MVK: variants seen among roughly 807,000 people sequenced by gnomAD.
MVK encodes LH receptor mRNA-binding protein.
In MVK, 34 loss-of-function variants were observed where a neutral mutation model predicts 43.2. The observed-to-expected ratio is 0.79, with a 90% CI of 0.60 to 1.05. The LOEUF is 1.05. Ranked by LOEUF, MVK falls within the 50% of genes least tolerant of loss-of-function variation. The pLI is 0.00. For synonymous variants in MVK, 190 were observed against 219.8 expected, an observed-to-expected ratio of 0.86 and a Z score of 1.20; for missense variants, 395 against 504.0, an observed-to-expected ratio of 0.78 and a Z score of 2.07.
rs1885946442 is a variant in MVK, at chr12:109,596,959, C to T, written c.*382C>T. The T allele has an allele frequency of 3.1e-6, 1 of 320,906 alleles. No individual in the cohort carries two copies. Among genetic ancestry groups the T allele is most frequent in the South Asian group, 2.9e-5 (1 of 34,854 alleles). The allele number at this position is 320,906 out of a possible 1,614,324, so 19.9% of individuals were successfully genotyped here. A position where few individuals can be genotyped will look rare whatever the true frequency, so the allele number is the denominator to read the frequency against. On this transcript the variant is annotated 3_prime_UTR_variant, in exon 11 of 11. Coordinates refer to ENST00000228510, the MANE Select transcript of MVK (RefSeq NM_000431.4). ...GGGGCCTGGTTCCCGGAGAAGTGTG[C>T]CTTCTCTCTCCCTTTTCAGGGACCG...
At chr12:109,583,680 T>A (rs1343555256) in intron 5 of MVK, among the ~76,000 whole-genome samples, 10 of 152,226 alleles carry the variant, frequency 6.6e-5, no homozygotes, top group Non-Finnish European at 1.5e-5. Flanking sequence ...CCACACTGAC[T>A]TCCACAATGG....
In MVK at chr12:109,581,607, G is replaced by C. The variant is rs762754085; in HGVS notation, c.527+57G>C. Reference sequence around the variant, plus strand: ...TCCCGCACGGCAGGACAGGGACGTGGCTTCTCTCACTGAGACCTCACCACC... The same window carrying C: ...TCCCGCACGGCAGGACAGGGACGTGCCTTCTCTCACTGAGACCTCACCACC... On this transcript the variant is annotated intron_variant, in intron 5 of 10. Transcript: ENST00000228510. 5.9e-4 allele frequency: 958 copies of C among 1,611,932 alleles called. 1 individual carries two copies. The highest frequency in any genetic ancestry group is 7.4e-4 in the Non-Finnish European group (877 of 1,178,536).
In MVK at chr12:109,596,642, T is replaced by A; in HGVS notation, c.*65T>A. On this transcript the variant is annotated 3_prime_UTR_variant, in exon 11 of 11. Transcript: ENST00000228510. ...TTCTGGATTATTCTGGGGGCTGCAG[T>A]TCGACTCTGTGCTGGCCAGCGAGCG... 6.3e-7 allele frequency: 1 copy of A among 1,580,622 alleles called. No individual in the cohort carries two copies. Among genetic ancestry groups the A allele is most frequent in the Non-Finnish European group, 8.6e-7 (1 of 1,167,416 alleles).
intron 7 of MVK, chr12:109,589,424 A>T (rs2136242398): frequency 6.6e-6 from 1 of 152,224 alleles, no homozygotes; most frequent in East Asian, 1.9e-4. Flanking sequence ...TGGCTTAAGG[A>T]GCTTCCCCCC....
Position 109,595,795 on chromosome 12 carries a change from C to T in MVK, c.1039+614C>T, listed in dbSNP as rs1885891580. ...GTGCTCCTTGTCCCCTCCTTCCTTC[C>T]TTCTTTCTCTTTCTGTCTTTATCTC... On this transcript the variant is annotated intron_variant, in intron 10 of 10. Coordinates refer to ENST00000228510, the MANE Select transcript of MVK (RefSeq NM_000431.4). The surrounding 1 kb of genome is among the most constrained non-coding windows in gnomAD (Gnocchi z 5.9). Among the ~76,000 whole-genome samples, 1 of 152,134 alleles carries T rather than the reference C, an allele frequency of 6.6e-6. No individual in the cohort carries two copies. Among genetic ancestry groups the T allele is most frequent in the Admixed American group, 6.6e-5 (1 of 15,260 alleles).
Position 109,595,237 on chromosome 12 carries a change from C to G in MVK, c.1039+56C>G. Reference sequence around the variant, plus strand: ...AGCCTGGGCTCCTAAGAGGGGTCCACCTGGAGAATTCCCTTGAAAGGAAAA... The same window carrying G: ...AGCCTGGGCTCCTAAGAGGGGTCCAGCTGGAGAATTCCCTTGAAAGGAAAA... On this transcript the variant is annotated intron_variant, in intron 10 of 10. Coordinates refer to ENST00000228510, the MANE Select transcript of MVK (RefSeq NM_000431.4). This position sits in a 1 kb window ranked among gnomAD's most constrained non-coding sequence, Gnocchi z 5.9. 1 of 1,604,012 alleles carries G rather than the reference C, an allele frequency of 6.2e-7. No homozygotes were observed. Among genetic ancestry groups the G allele is most frequent in the Non-Finnish European group, 8.5e-7 (1 of 1,175,952 alleles).
In MVK at chr12:109,573,828, C is replaced by A; in HGVS notation, c.-60C>A. ...TGTGGGAGTTGGGGAGCTGCTCCGG[C>A]TTCGGCGCGGAGGGGCGGCGGCCGG... is the stretch of plus-strand genomic sequence containing the variant. On this transcript the variant is annotated 5_prime_UTR_variant, in exon 1 of 11. Coordinates refer to ENST00000228510, the MANE Select transcript of MVK (RefSeq NM_000431.4). 4.2e-6 allele frequency: 1 copy of A among 239,172 alleles called. No homozygotes were observed. The highest frequency in any genetic ancestry group is 1.2e-4 in the East Asian group (1 of 8,506). 14.8% of individuals were successfully genotyped at this position (239,172 alleles called of 1,614,324 possible). A position where few individuals can be genotyped will look rare whatever the true frequency, so the allele number is the denominator to read the frequency against.
intron 6 of MVK, 148 bp from the exon 7 acceptor site, chr12:109,586,605 CT>C: frequency 2.3e-6 from 2 of 868,836 alleles, no homozygotes; most frequent in African/African-American, 1.6e-5. Flanking sequence ...CCTCCTGCAC[CT>C]TTTGTAACTG....
chr12:109,590,905 A>G, intron 8 of MVK, 44 bp downstream of exon 8: 6 of 1,587,874 alleles, frequency 3.8e-6, no homozygotes, highest in Non-Finnish European at 4.3e-6. Flanking sequence ...GAAGGCCAGG[A>G]CACAATTACA....
intron 3 of MVK, chr12:109,579,233 G>C (rs1885101547): frequency 2.2e-6 from 1 of 444,462 alleles, no homozygotes; most frequent in Non-Finnish European, 4.5e-6. Flanking sequence ...TCAACCTCCT[G>C]GGCTCAAGCG....
At chr12:109,589,181 C>A in intron 7 of MVK, 1 of 152,398 alleles carries the variant, frequency 6.6e-6, no homozygotes. Flanking sequence ...GGCTTACCCC[C>A]TGCGTGGTGG....
chr12:109,591,399 C>A, intron 9 of MVK, 42 bp downstream of exon 9: 1 of 1,570,322 alleles, frequency 6.4e-7, no homozygotes, highest in Non-Finnish European at 8.8e-7. Flanking sequence ...TGAGTCCACA[C>A]CACTGTCCAA....
intron 5 of MVK, among the ~76,000 whole-genome samples, chr12:109,583,104 T>C (rs1303007488): frequency 1.2e-4 from 18 of 152,220 alleles, no homozygotes; most frequent in Admixed American, 9.2e-4. Flanking sequence ...TTTTTTCTTT[T>C]ATTATTATTA....
intron 3 of MVK, 88 bp from the exon 4 acceptor site, chr12:109,579,714 T>C (rs1217430150): frequency 6.5e-7 from 1 of 1,550,270 alleles, no homozygotes. Context: ...CCAATTCCAG[T>C]GACTAGTCGA....
Position 109,596,744 on chromosome 12 carries a change from C to A in MVK, c.*167C>A. ...AAGCTCTGCAGTCCCAGCGGTGGGA[C>A]CTAGGGAGGCATGGTCTGCCCTCTG... On this transcript the variant is annotated 3_prime_UTR_variant, in exon 11 of 11. Transcript: ENST00000228510. 9.9e-7 allele frequency: 1 copy of A among 1,012,524 alleles called. No homozygotes were observed. Among genetic ancestry groups the A allele is most frequent in the Non-Finnish European group, 1.5e-6 (1 of 682,770 alleles). The allele number at this position is 1,012,524 out of a possible 1,614,324, so 62.7% of individuals were successfully genotyped here.
At chr12:109,573,531 G>C (rs1304228764), upstream of MVK, 2 of 1,561,098 alleles carry the variant, frequency 1.3e-6, no homozygotes, top group South Asian at 2.3e-5. Flanking sequence ...CGTCCAGTCC[G>C]CGGGGTGACT....
At chr12:109,594,966 G>T in intron 9 of MVK, 62 bp from the exon 10 acceptor site, 2 of 1,605,374 alleles carry the variant, frequency 1.2e-6, no homozygotes, top group Non-Finnish European at 1.7e-6. Flanking sequence ...AGGCTCAGGG[G>T]TGGGCATAGG....
chr12:109,580,121 T>C (rs956249773), intron 4 of MVK, among the ~76,000 whole-genome samples, 175 bp downstream of exon 4: 7 of 152,178 alleles, frequency 4.6e-5, no homozygotes, highest in African/African-American at 1.7e-4. Flanking sequence ...CGTGCCTTTT[T>C]TTTGAGACAG....
rs905187890 is a variant in MVK at position 109,595,401 on chromosome 12, G to C, written c.1039+220G>C. Among the ~76,000 whole-genome samples the C allele has an allele frequency of 6.6e-6, 1 of 152,158 alleles. No individual in the cohort carries two copies. Among genetic ancestry groups the C allele is most frequent in the Non-Finnish European group, 1.5e-5 (1 of 68,032 alleles). On this transcript the variant is annotated intron_variant, in intron 10 of 10. Transcript: ENST00000228510. This position sits in a 1 kb window ranked among gnomAD's most constrained non-coding sequence, Gnocchi z 5.9. ...TCGTTGCCCAGATTCAAGCAGGAAAGTGCACCTAGAGAGCCTGGTGCAGGG... is the reference window on the plus strand; with the variant it reads ...TCGTTGCCCAGATTCAAGCAGGAAACTGCACCTAGAGAGCCTGGTGCAGGG...
Sources: gnomAD v4.1 joint callset for allele counts (sites outside exome capture counted in the v4.1 genomes callset) on GRCh38, gnomAD v4.1.1 for gene constraint, Gnocchi (gnomAD v3.1) non-coding constraint, MANE v1.5 for transcripts, NCBI Gene and HGNC (gene_info 2026-07-23, HGNC 2026-07-21) for gene names.